EXOC4: variants seen among roughly 807,000 people sequenced by gnomAD.
EXOC4 encodes the protein exocyst complex component 4.
EXOC4 carries 71 observed loss-of-function variants against 107.2 expected under a neutral mutation model. That is an observed-to-expected ratio of 0.66 (90% confidence interval 0.55 to 0.81). The LOEUF (loss-of-function observed/expected upper bound fraction) is 0.81, where lower values mean the gene tolerates loss of function less well. EXOC4 is among the 30% of genes least tolerant of loss of function. EXOC4 has a pLI of 0.00. For missense variants in EXOC4, 1,108 were observed against 1,189.6 expected (o/e 0.93, Z 1.01); for synonymous variants, 456 against 441.2 (o/e 1.03, Z -0.42).
chr7:133,684,648 G>A (rs1351383942), intron 10 of EXOC4, among the ~76,000 whole-genome samples: 2 of 152,208 alleles, frequency 1.3e-5, no homozygotes, highest in Non-Finnish European at 2.9e-5. Context: ...AGTTAGAAAT[G>A]TTGGGTAAAA....
chr7:134,005,351 TTG>T (rs1406798270), intron 16 of EXOC4, among the ~76,000 whole-genome samples: 1 of 152,174 alleles, frequency 6.6e-6, no homozygotes, highest in Admixed American at 6.6e-5. Flanking sequence ...TTCATGAGAT[TTG>T]AGAGAATGTG....
At chr7:133,645,569 A>T (rs986370631) in intron 10 of EXOC4, among the ~76,000 whole-genome samples, 1 of 152,072 alleles carries the variant, frequency 6.6e-6, no homozygotes, top group Non-Finnish European at 1.5e-5. Context: ...TTTAGCACAC[A>T]CTAGATTCTC....
intron 7 of EXOC4, among the ~76,000 whole-genome samples, chr7:133,411,096 GCTAA>G (rs1797345187): frequency 6.6e-6 from 1 of 152,084 alleles, no homozygotes; most frequent in Non-Finnish European, 1.5e-5. Context: ...AGTTACAGAG[GCTAA>G]CTATCTTTGG....
At chr7:133,857,036 G>A (rs1425836425) in intron 11 of EXOC4, among the ~76,000 whole-genome samples, 1 of 144,984 alleles carries the variant, frequency 6.9e-6, no homozygotes, top group Non-Finnish European at 1.5e-5. Flanking sequence ...GGCAGAGGTT[G>A]CAGTGAGCCG....
chr7:133,989,681 A>G (rs1794203532), intron 14 of EXOC4, among the ~76,000 whole-genome samples: 1 of 152,236 alleles, frequency 6.6e-6, no homozygotes, highest in South Asian at 2.1e-4. Context: ...TTACAGTATC[A>G]TTGATGGCTA....
chr7:133,938,204 C>G, intron 14 of EXOC4, 135 bp downstream of exon 14: 1 of 828,024 alleles, frequency 1.2e-6, no homozygotes, highest in Non-Finnish European at 1.9e-6. Flanking sequence ...GGTTAGAATT[C>G]TGCTTGTGTT....
At chr7:133,660,999 A>G (rs893777666) in intron 10 of EXOC4, among the ~76,000 whole-genome samples, 23 of 152,180 alleles carry the variant, frequency 1.5e-4, no homozygotes, top group African/African-American at 5.3e-4. Context: ...AAGGTTATAG[A>G]ACAGACTACC....
intron 9 of EXOC4, among the ~76,000 whole-genome samples, chr7:133,622,107 T>G (rs1802347430): frequency 6.6e-6 from 1 of 152,102 alleles, no homozygotes; most frequent in Admixed American, 6.6e-5. Context: ...CCCAAGTACC[T>G]GGAACTACAG....
chr7:133,967,843 G>A (rs1801106994), intron 14 of EXOC4, among the ~76,000 whole-genome samples: 1 of 152,132 alleles, frequency 6.6e-6, no homozygotes, highest in Non-Finnish European at 1.5e-5. Flanking sequence ...TGTCTATTAG[G>A]TCCACTTGGT....
intron 6 of EXOC4, among the ~76,000 whole-genome samples, chr7:133,369,278 G>A (rs186503860): frequency 9.2e-5 from 14 of 152,114 alleles, no homozygotes; most frequent in Non-Finnish European, 2.9e-5. Context: ...GAGGAGCGTC[G>A]TCTTCCTTTC....
At chr7:133,390,721 A>T (rs1796833606) in intron 7 of EXOC4, among the ~76,000 whole-genome samples, 1 of 152,200 alleles carries the variant, frequency 6.6e-6, no homozygotes. Flanking sequence ...GAATGTGGTT[A>T]ATGGGAAACT....
intron 13 of EXOC4, among the ~76,000 whole-genome samples, chr7:133,922,356 C>T (rs548727087): frequency 6.6e-6 from 1 of 152,086 alleles, no homozygotes; most frequent in Admixed American, 6.6e-5. Flanking sequence ...TGACTTGTAA[C>T]TACTAGACTA....
chr7:133,575,358 C>A (rs1801106207), intron 9 of EXOC4, among the ~76,000 whole-genome samples: 1 of 152,176 alleles, frequency 6.6e-6, no homozygotes, highest in South Asian at 2.1e-4. Flanking sequence ...CATAATCCAT[C>A]AAAAAGTGCA....
intron 10 of EXOC4, among the ~76,000 whole-genome samples, chr7:133,787,865 C>T (rs1229305289): frequency 6.7e-6 from 1 of 148,328 alleles, no homozygotes; most frequent in African/African-American, 2.5e-5. Context: ...ATGGGGAGAC[C>T]CAGTTCAATC....
At chr7:133,558,989 G>A (rs1305078196) in intron 9 of EXOC4, among the ~76,000 whole-genome samples, 1 of 152,050 alleles carries the variant, frequency 6.6e-6, no homozygotes, top group Non-Finnish European at 1.5e-5. Context: ...TAATATATGG[G>A]GGCTATGTAA....
chr7:133,683,346 A>G (rs1213042037), intron 10 of EXOC4, among the ~76,000 whole-genome samples: 2 of 152,130 alleles, frequency 1.3e-5, no homozygotes, highest in African/African-American at 4.8e-5. Context: ...AGTTTATTCT[A>G]CGTCTGACTT....
intron 6 of EXOC4, among the ~76,000 whole-genome samples, chr7:133,361,668 T>A (rs1484966064): frequency 6.6e-6 from 1 of 152,238 alleles, no homozygotes; most frequent in African/African-American, 2.4e-5. Flanking sequence ...TCAAATACTT[T>A]TATCCTTGCC....
chr7:133,928,980 T>C (rs1021615825), intron 13 of EXOC4, among the ~76,000 whole-genome samples: 2 of 128,762 alleles, frequency 1.6e-5, no homozygotes, highest in African/African-American at 6.1e-5. Context: ...TCGCCCAGGC[T>C]GGAGTGCAGT....
Position 133,584,574 on chromosome 7 carries a change from G to GTTTTTTTTT in EXOC4, c.1418-45469_1418-45461dup, listed in dbSNP as rs67568218. 5.7e-4 allele frequency among the ~76,000 whole-genome samples: 48 copies of GTTTTTTTTT among 84,806 alleles called. 8 individuals carry two copies. Among genetic ancestry groups the GTTTTTTTTT allele is most frequent in the Admixed American group, 7.1e-4 (4 of 5,640 alleles). 55.6% of individuals were successfully genotyped at this position (84,806 alleles called of 152,430 possible). A position where few individuals can be genotyped will look rare whatever the true frequency, so the allele number is the denominator to read the frequency against. Reference sequence around the variant, plus strand: ...AGGCCTTTGTTTTTTACGTATTTCAGTTTTTTTTTTGTTTTTTTTTTTGAG... The same window carrying GTTTTTTTTT: ...AGGCCTTTGTTTTTTACGTATTTCAGTTTTTTTTTTTTTTTTTTTGTTTTTTTTTTTGAG... On this transcript the variant is annotated intron_variant, in intron 9 of 17. Coordinates refer to ENST00000253861, the MANE Select transcript of EXOC4 (RefSeq NM_021807.4).
Sources: gnomAD v4.1 joint callset for allele counts (sites outside exome capture counted in the v4.1 genomes callset) on GRCh38, gnomAD v4.1.1 for gene constraint, MANE v1.5 for transcripts, NCBI Gene and HGNC (gene_info 2026-07-23, HGNC 2026-07-21) for gene names.